Variants in DYM observed in about 807,000 individuals in gnomAD.
DYM encodes the protein dyggve-Melchior-Clausen syndrome protein.
In DYM, 78 loss-of-function variants were observed where a neutral mutation model predicts 93.1. That is an observed-to-expected ratio of 0.84 (90% confidence interval 0.70 to 1.01). DYM has a LOEUF of 1.01. Ranked by LOEUF, DYM falls within the 50% of genes least tolerant of loss-of-function variation. The pLI is 0.00. For synonymous variants in DYM, 321 were observed against 319.7 expected (o/e 1.00, Z -0.04); for missense variants, 789 against 845.0 (o/e 0.93, Z 0.82).
chr18:49,408,994 G>A lies in DYM; in HGVS notation c.141-17349C>T, dbSNP rs996997003. ...TTGTGACAGAAAAAGTAAAAACTCAGTAAATGTGGGCTGGGCACAGTGGTT... is the reference window on the plus strand; with the variant it reads ...TTGTGACAGAAAAAGTAAAAACTCAATAAATGTGGGCTGGGCACAGTGGTT... On this transcript the variant is annotated intron_variant, in intron 2 of 17. Coordinates refer to ENST00000675505, the MANE Select transcript of DYM (RefSeq NM_001353214.3). Among the ~76,000 whole-genome samples, 3 of 152,116 alleles carry A rather than the reference G, an allele frequency of 2.0e-5. 1 individual carries two copies. Among genetic ancestry groups the A allele is most frequent in the Non-Finnish European group, 4.4e-5 (3 of 68,004 alleles).
rs371165700 is a variant in DYM, at chr18:49,203,188, G to A, written c.1625+6363C>T. 8.7e-3 allele frequency among the ~76,000 whole-genome samples: 773 copies of A among 88,690 alleles called. 5 individuals carry two copies. The highest frequency in any genetic ancestry group is 0.026 in the East Asian group (80 of 3,062). 58.2% of individuals were successfully genotyped at this position (88,690 alleles called of 152,430 possible). On this transcript the variant is annotated intron_variant, in intron 14 of 17. Transcript: ENST00000675505. Reference sequence around the variant, plus strand: ...GTCCGGGAGGGAGGTTGGGGGGTCAGCCCCCCGCCCGGCCAGCCACCCCGT... The same window carrying A: ...GTCCGGGAGGGAGGTTGGGGGGTCAACCCCCCGCCCGGCCAGCCACCCCGT...
intron 17 of DYM, among the ~76,000 whole-genome samples, chr18:49,085,367 C>T (rs1388589000): frequency 2.0e-5 from 3 of 152,092 alleles, no homozygotes; most frequent in Non-Finnish European, 4.4e-5. Flanking sequence ...CTTTGATGTG[C>T]AAAGATCATT....
rs181836624 is a variant in DYM at position 49,333,985 on chromosome 18, C to T, written c.495-132G>A. The T allele has an allele frequency of 4.9e-4, 472 of 963,884 alleles. No individual in the cohort carries two copies. In the African/African-American group the frequency reaches 6.7e-3, roughly 14 times the overall value. 59.7% of individuals were successfully genotyped at this position (963,884 alleles called of 1,614,324 possible). ...TTCAGGTTACTGAAAAATGTTAATA[C>T]GTTTAATACAAAAATTAAGTCAAGC... is the stretch of plus-strand genomic sequence containing the variant. On this transcript the variant is annotated intron_variant, in intron 6 of 17. Coordinates refer to ENST00000675505, the MANE Select transcript of DYM (RefSeq NM_001353214.3).
chr18:49,095,612 T>C (rs1207686471), intron 17 of DYM, among the ~76,000 whole-genome samples: 1 of 152,190 alleles, frequency 6.6e-6, no homozygotes, highest in Non-Finnish European at 1.5e-5. Context: ...TTGGCCTCAA[T>C]AGGATCTTGC....
chr18:49,209,915 C>A (rs1490600559), intron 13 of DYM, among the ~76,000 whole-genome samples, 200 bp from the exon 14 acceptor site: 7 of 151,648 alleles, frequency 4.6e-5, no homozygotes, highest in Admixed American at 6.6e-5. Context: ...TAAACAGACA[C>A]TTCATCAGAG....
At chr18:49,415,006 G>A (rs1302167308) in intron 2 of DYM, among the ~76,000 whole-genome samples, 1 of 151,090 alleles carries the variant, frequency 6.6e-6, no homozygotes, top group East Asian at 1.9e-4. Flanking sequence ...TTTTTTTGAT[G>A]TGGAGTTTCT....
intron 8 of DYM, among the ~76,000 whole-genome samples, chr18:49,302,367 T>C (rs2060991090): frequency 6.6e-6 from 1 of 152,238 alleles, no homozygotes; most frequent in Non-Finnish European, 1.5e-5. Flanking sequence ...ATTAATATTT[T>C]TCCAATATAA....
intron 8 of DYM, among the ~76,000 whole-genome samples, chr18:49,304,334 C>T (rs1005917712): frequency 6.6e-5 from 10 of 152,322 alleles, no homozygotes; most frequent in South Asian, 2.1e-4. Context: ...AAATTGTCAA[C>T]GGCTAGAATC....
chr18:49,252,241 A>AAAAAAAAAAAG (rs1568106559), intron 13 of DYM, among the ~76,000 whole-genome samples: 3 of 148,554 alleles, frequency 2.0e-5, no homozygotes, highest in African/African-American at 7.4e-5. Flanking sequence ...AAAAAAAAAA[A>AAAAAAAAAAAG]AGAACTGCCT....
chr18:49,121,181 A>T (rs1254380285), intron 15 of DYM, among the ~76,000 whole-genome samples: 1 of 152,252 alleles, frequency 6.6e-6, no homozygotes, highest in Non-Finnish European at 1.5e-5. Flanking sequence ...GAATTTCAGC[A>T]GAGTTAAAAA....
chr18:49,124,509 A>G (rs1361754635), intron 15 of DYM, among the ~76,000 whole-genome samples: 1 of 1,526 alleles, frequency 6.6e-4, no homozygotes, highest in East Asian at 0.25. Flanking sequence ...ACCCTGTCTC[A>G]AAAAAAAAAA....
At chr18:49,122,448 C>T (rs914750110) in intron 15 of DYM, among the ~76,000 whole-genome samples, 15 of 152,110 alleles carry the variant, frequency 9.9e-5, no homozygotes, top group East Asian at 1.9e-4. Flanking sequence ...GTGAACTGCA[C>T]GTGTGAGGGA....
At chr18:49,296,081 A>C (rs2060524915) in intron 8 of DYM, among the ~76,000 whole-genome samples, 1 of 152,070 alleles carries the variant, frequency 6.6e-6, no homozygotes, top group Non-Finnish European at 1.5e-5. Flanking sequence ...GGCAGGTGCC[A>C]CCACACCCAG....
rs2071088456 is a variant in DYM, at chr18:49,043,572, T to A, written c.*483A>T. Reference sequence around the variant, plus strand: ...TTCTTTATTAATTCCTGCCTCATCATCTTTTCTCATTGATGCTCCTTAATG... The same window carrying A: ...TTCTTTATTAATTCCTGCCTCATCAACTTTTCTCATTGATGCTCCTTAATG... On this transcript the variant is annotated 3_prime_UTR_variant, in exon 18 of 18. Transcript: ENST00000675505. The A allele has an allele frequency of 6.4e-6, 1 of 155,970 alleles. No homozygotes were observed. The highest frequency in any genetic ancestry group is 2.0e-4 in the South Asian group (1 of 5,068). 9.7% of individuals were successfully genotyped at this position (155,970 alleles called of 1,614,324 possible). A position where few individuals can be genotyped will look rare whatever the true frequency, so the allele number is the denominator to read the frequency against.
chr18:49,387,297 G>A (rs2068728475), intron 3 of DYM, among the ~76,000 whole-genome samples: 1 of 151,206 alleles, frequency 6.6e-6, no homozygotes, highest in South Asian at 2.1e-4. Context: ...TGTTTTTTGT[G>A]ACGGAGTCTC....
chr18:49,300,726 A>G (rs903748090), intron 8 of DYM, among the ~76,000 whole-genome samples: 2 of 152,206 alleles, frequency 1.3e-5, no homozygotes, highest in African/African-American at 4.8e-5. Context: ...GATGTAATAA[A>G]GTACATTGTA....
chr18:49,254,405 T>G (rs2094351707), intron 13 of DYM, among the ~76,000 whole-genome samples: 1 of 151,604 alleles, frequency 6.6e-6, no homozygotes, highest in African/African-American at 2.4e-5. Flanking sequence ...ATTATTTATT[T>G]TGATACTTCT....
intron 2 of DYM, among the ~76,000 whole-genome samples, chr18:49,419,267 G>A (rs541836450): frequency 1.3e-5 from 2 of 152,222 alleles, no homozygotes; most frequent in African/African-American, 4.8e-5. Flanking sequence ...GCCTGAGGCA[G>A]GGAATTGCTT....
chr18:49,097,386 T>C lies in DYM; in HGVS notation c.2025+16A>G. 1.2e-6 allele frequency: 2 copies of C among 1,612,342 alleles called. No individual in the cohort carries two copies. The highest frequency in any genetic ancestry group is 8.5e-7 in the Non-Finnish European group (1 of 1,178,536). ...GACACGGCAGTGTCAAGTGGACATT[T>C]CTTTAGCCTTCTTACCTTCAGTCTG... On this transcript the variant is annotated intron_variant, in intron 17 of 17. Coordinates refer to ENST00000675505, the MANE Select transcript of DYM (RefSeq NM_001353214.3).
Sources: allele counts gnomAD v4.1 joint callset (sites outside exome capture counted in the v4.1 genomes callset), GRCh38; gene constraint gnomAD v4.1.1; transcripts MANE v1.5; gene names NCBI Gene and HGNC (gene_info 2026-07-23, HGNC 2026-07-21).